EMP1: variants seen among roughly 807,000 people sequenced by gnomAD.
The protein encoded by EMP1 is epithelial membrane protein 1, also known as tumor-associated membrane protein.
EMP1 carries 5 observed loss-of-function variants against 15.7 expected under a neutral mutation model. The ratio of observed to expected loss-of-function variants is 0.32; its 90% confidence interval spans 0.17 to 0.67. The LOEUF (loss-of-function observed/expected upper bound fraction) is 0.67, where lower values mean the gene tolerates loss of function less well. Among genes scored for constraint, EMP1 ranks in the 30% least tolerant of loss-of-function variants. The pLI is 0.74. For missense variants in EMP1, 166 were observed against 194.2 expected (o/e 0.85, Z 0.86); for synonymous variants, 78 against 76.7 (o/e 1.02, Z -0.09).
chr12:13,205,322 C>T (rs1292957578), intron 1 of EMP1, among the ~76,000 whole-genome samples: 1 of 152,174 alleles, frequency 6.6e-6, no homozygotes, highest in Admixed American at 6.5e-5. Flanking sequence ...GCAACACACA[C>T]ATATATACCC....
chr12:13,217,896 G>C lies in EMP1; in HGVS notation c.*3205G>C, dbSNP rs1382321914. Reference sequence around the variant, plus strand: ...GGCAGGCAAGCCCAAAGTCTGCAAGGGGTGGGCCAGCAGAGAGCTGGTGCT... The same window carrying C: ...GGCAGGCAAGCCCAAAGTCTGCAAGCGGTGGGCCAGCAGAGAGCTGGTGCT... On this transcript the variant is annotated 3_prime_UTR_variant, in exon 5 of 5. Transcript: ENST00000256951. The C allele has an allele frequency of 6.6e-6, 1 of 152,166 alleles. No homozygotes were observed. Among genetic ancestry groups the C allele is most frequent in the African/African-American group, 2.4e-5 (1 of 41,434 alleles). 9.4% of individuals were successfully genotyped at this position (152,166 alleles called of 1,614,324 possible).
In EMP1 at chr12:13,213,786, G is replaced by A; in HGVS notation, c.281G>A (p.Arg94Gln). 2.5e-6 allele frequency: 4 copies of A among 1,614,140 alleles called. No homozygotes were observed. The highest frequency in any genetic ancestry group is 2.2e-5 in the East Asian group (1 of 44,880). ...CTCTTCACCATGGAGAAGGGAAACC[G>A]GTTCTTCCTCTCAGGGGCCACCACA... ...FQLFTMEKGN[R>Q]FFLSGATTLV... Residue 94 changes from arginine (R) to glutamine (Q), a missense_variant, in exon 4 of 5, where the codon CGG (arginine) becomes CAG (glutamine). Physicochemically the swap from Arg to Gln is conservative, Grantham distance 43. Coordinates refer to ENST00000256951, the MANE Select transcript of EMP1 (RefSeq NM_001423.3).
intron 1 of EMP1, among the ~76,000 whole-genome samples, chr12:13,207,400 A>G (rs1445232895): frequency 1.3e-5 from 2 of 152,206 alleles, no homozygotes; most frequent in East Asian, 3.8e-4. Context: ...TTATCTGAAT[A>G]CTGAATGGTC....
chr12:13,206,074 G>A (rs925392382), intron 1 of EMP1, among the ~76,000 whole-genome samples: 1 of 152,130 alleles, frequency 6.6e-6, no homozygotes, highest in African/African-American at 2.4e-5. Flanking sequence ...GCCATGGTCA[G>A]GCTAGGACCT....
chr12:13,198,835 T>A (rs1864036922), intron 1 of EMP1, among the ~76,000 whole-genome samples: 5 of 152,228 alleles, frequency 3.3e-5, no homozygotes, highest in African/African-American at 1.2e-4. Context: ...AAAAATACCG[T>A]TCTGATTCCT....
chr12:13,216,476 T>C lies in EMP1; in HGVS notation c.*1785T>C, dbSNP rs1385385449. On this transcript the variant is annotated 3_prime_UTR_variant, in exon 5 of 5. Transcript: ENST00000256951. Reference sequence around the variant, plus strand: ...TTGTCATTATGATTTCATTATCACATGATTATAGAAGGCTGTCTTAGTGCA... The same window carrying C: ...TTGTCATTATGATTTCATTATCACACGATTATAGAAGGCTGTCTTAGTGCA... The C allele has an allele frequency of 1.4e-6, 1 of 702,390 alleles. No homozygotes were observed. Among genetic ancestry groups the C allele is most frequent in the Non-Finnish European group, 2.6e-6 (1 of 384,742 alleles). The allele number at this position is 702,390 out of a possible 1,614,324, so 43.5% of individuals were successfully genotyped here.
At position 13,214,973 on chromosome 12, in the gene EMP1, C is replaced by A; in HGVS notation, c.*282C>A. 2.6e-6 allele frequency: 1 copy of A among 385,072 alleles called. No homozygotes were observed. The highest frequency in any genetic ancestry group is 2.5e-5 in the South Asian group (1 of 40,518). The allele number at this position is 385,072 out of a possible 1,614,324, so 23.9% of individuals were successfully genotyped here. A position where few individuals can be genotyped will look rare whatever the true frequency, so the allele number is the denominator to read the frequency against. On this transcript the variant is annotated 3_prime_UTR_variant, in exon 5 of 5. Coordinates refer to ENST00000256951, the MANE Select transcript of EMP1 (RefSeq NM_001423.3). The stretch of plus-strand genomic sequence containing the variant: ...TGGCCTCCAGCTGTTCTTAGTGACA[C>A]ACACTGTCTGGGGCCCCATCAGCTG...
intron 2 of EMP1, among the ~76,000 whole-genome samples, chr12:13,212,478 A>G (rs1864173747): frequency 6.6e-6 from 1 of 152,216 alleles, no homozygotes; most frequent in Non-Finnish European, 1.5e-5. Context: ...TGTGATCATA[A>G]GCAAGGCTAA....
At chr12:13,200,164 G>C (rs1864051763) in intron 1 of EMP1, among the ~76,000 whole-genome samples, 1 of 152,000 alleles carries the variant, frequency 6.6e-6, no homozygotes, top group African/African-American at 2.4e-5. Flanking sequence ...GCCTATTTGG[G>C]ACTCTCAGAT....
chr12:13,204,691 CCT>C (rs1314162960), intron 1 of EMP1, among the ~76,000 whole-genome samples: 1 of 152,096 alleles, frequency 6.6e-6, no homozygotes, highest in African/African-American at 2.4e-5. Context: ...AGCGGCTACG[CCT>C]CTCTCTCTCC....
Position 13,214,927 on chromosome 12 carries a change from C to A in EMP1, c.*236C>A, listed in dbSNP as rs1437203344. The A allele has an allele frequency of 2.2e-6, 1 of 448,508 alleles. No homozygotes were observed. The highest frequency in any genetic ancestry group is 4.1e-6 in the Non-Finnish European group (1 of 243,072). The allele number at this position is 448,508 out of a possible 1,614,324, so 27.8% of individuals were successfully genotyped here. ...TGCTCCCTTGATGGGGTCCAGAGAGCCTCCCTGCAGCCACCAGACTTGGCC... is the reference window on the plus strand; with the variant it reads ...TGCTCCCTTGATGGGGTCCAGAGAGACTCCCTGCAGCCACCAGACTTGGCC... On this transcript the variant is annotated 3_prime_UTR_variant, in exon 5 of 5. Transcript: ENST00000256951.
intron 1 of EMP1, chr12:13,209,123 A>T (rs1864140720): frequency 6.6e-6 from 1 of 152,218 alleles, no homozygotes; most frequent in South Asian, 2.1e-4. Flanking sequence ...TAAGAAGAGG[A>T]TGTTTGTAAA....
chr12:13,204,611 C>T (rs975706572), intron 1 of EMP1, among the ~76,000 whole-genome samples: 2 of 152,168 alleles, frequency 1.3e-5, no homozygotes, highest in African/African-American at 2.4e-5. Flanking sequence ...GAGGCAGCTG[C>T]GGAGTTTCAG....
At chr12:13,198,616 G>A (rs560391927) in intron 1 of EMP1, among the ~76,000 whole-genome samples, 2 of 152,302 alleles carry the variant, frequency 1.3e-5, no homozygotes, top group Admixed American at 6.5e-5. Flanking sequence ...TAAATCAATA[G>A]TGTTAATATC....
intron 1 of EMP1, among the ~76,000 whole-genome samples, chr12:13,204,020 G>T (rs891571491): frequency 3.9e-5 from 6 of 152,098 alleles, no homozygotes; most frequent in African/African-American, 1.4e-4. Flanking sequence ...ATTTATAATA[G>T]CCTGCATTTG....
At position 13,214,725 on chromosome 12, in the gene EMP1, G is replaced by A; in HGVS notation, c.*34G>A. On this transcript the variant is annotated 3_prime_UTR_variant, in exon 5 of 5. Transcript: ENST00000256951. ...GAGTTCATGGGGATCTGGGGGGTGG[G>A]GAGGAGGAAGCCGTTGAATCTGGGA... 6.3e-7 allele frequency: 1 copy of A among 1,583,278 alleles called. No individual in the cohort carries two copies. The highest frequency in any genetic ancestry group is 1.7e-5 in the Admixed American group (1 of 58,648).
Position 13,211,322 on chromosome 12 carries a change from G to A in EMP1, c.-42-147G>A, listed in dbSNP as rs1864162677. 1.6e-6 allele frequency: 1 copy of A among 642,050 alleles called. No individual in the cohort carries two copies. Among genetic ancestry groups the A allele is most frequent in the Admixed American group, 2.9e-5 (1 of 34,586 alleles). 39.8% of individuals were successfully genotyped at this position (642,050 alleles called of 1,614,324 possible). On this transcript the variant is annotated intron_variant, in intron 1 of 4. Coordinates refer to ENST00000256951, the MANE Select transcript of EMP1 (RefSeq NM_001423.3). This position sits in a 1 kb window ranked among gnomAD's most constrained non-coding sequence, Gnocchi z 4.7. ...AGGCAAATCAGAACTAGGTTACAGG[G>A]GTGTTTTCAGGAATTTATGATTAGA...
At chr12:13,197,699 C>T (rs564605199) in intron 1 of EMP1, among the ~76,000 whole-genome samples, 2 of 151,918 alleles carry the variant, frequency 1.3e-5, no homozygotes, top group African/African-American at 2.4e-5. Flanking sequence ...TGCTTGAATC[C>T]GGGAGATGGT....
At chr12:13,202,765 A>G (rs1864077286) in intron 1 of EMP1, among the ~76,000 whole-genome samples, 1 of 152,090 alleles carries the variant, frequency 6.6e-6, no homozygotes, top group African/African-American at 2.4e-5. Flanking sequence ...TAATTGGCAC[A>G]GTTTTAAGGG....
Sources: gnomAD v4.1 joint callset for allele counts (sites outside exome capture counted in the v4.1 genomes callset) on GRCh38, gnomAD v4.1.1 for gene constraint, Gnocchi (gnomAD v3.1) non-coding constraint, MANE v1.5 for transcripts, NCBI Gene and HGNC (gene_info 2026-07-23, HGNC 2026-07-21) for gene names.